Variants in GNAS observed in about 807,000 individuals in gnomAD.
GNAS encodes protein ALEX.
In GNAS, 8 loss-of-function variants were observed where a neutral mutation model predicts 54.5. The ratio of observed to expected loss-of-function variants is 0.15; its 90% CI spans 0.09 to 0.26. The LOEUF (loss-of-function observed/expected upper bound fraction) is 0.26, where lower values mean the gene tolerates loss of function less well. GNAS is among the 10% of genes least tolerant of loss of function. The pLI is 1.00. For synonymous variants in GNAS, 204 were observed against 191.4 expected (o/e 1.07, Z -0.54); for missense variants, 170 against 529.8 (o/e 0.32, Z 6.67).
chr20:58,857,828 T>C lies in GNAS; in HGVS notation c.43+16942T>C, dbSNP rs182681434. ...CTTATTTTGTCACCAGGAGTAAAAA[T>C]TAACTTTAAGAAAAGGAAATTTGCT... On this transcript the variant is annotated intron_variant, in intron 1 of 12. Coordinates refer to the GNAS transcript ENST00000306090. The surrounding 1 kb of genome is among the most constrained non-coding windows in gnomAD (Gnocchi z 4.1). Among the ~76,000 whole-genome samples, 545 of 152,240 alleles carry C rather than the reference T, an allele frequency of 3.6e-3. 5 individuals carry two copies. The highest frequency in any genetic ancestry group is 0.012 in the African/African-American group (511 of 41,528).
chr20:58,881,585 C>T lies in GNAS; in HGVS notation c.44-14027C>T, dbSNP rs996839249. 3.3e-5 allele frequency among the ~76,000 whole-genome samples: 5 copies of T among 152,126 alleles called. No individual in the cohort carries two copies. The South Asian group carries it at 6.2e-4, about 19-fold the overall frequency. ...CTCTTACTACATGCTGACATCATCCCGCAACTCCCCATGTGCCTTCCCTCA... is the reference window on the plus strand; with the variant it reads ...CTCTTACTACATGCTGACATCATCCTGCAACTCCCCATGTGCCTTCCCTCA... On this transcript the variant is annotated intron_variant, in intron 1 of 12. Transcript: ENST00000306090.
At chr20:58,881,508 C>T (rs999866247) in intron 1 of GNAS, among the ~76,000 whole-genome samples, 3 of 152,152 alleles carry the variant, frequency 2.0e-5, no homozygotes, top group African/African-American at 7.2e-5. Context: ...CAGGGCACCA[C>T]GTGGAGATAG....
rs1167645241 is a variant in GNAS, at chr20:58,891,494, A to G, written c.-233A>G. 4.2e-5 allele frequency: 41 copies of G among 965,704 alleles called. No individual in the cohort carries two copies. Among genetic ancestry groups the G allele is most frequent in the Non-Finnish European group, 5.0e-5 (41 of 816,206 alleles). The allele number at this position is 965,704 out of a possible 1,614,324, so 59.8% of individuals were successfully genotyped here. On this transcript the variant is annotated 5_prime_UTR_variant, in exon 1 of 13. Transcript: ENST00000371085. The stretch of plus-strand genomic sequence containing the variant: ...CATCAGCCCCCTCGGCCTCGGCTCG[A>G]GGGGCGGGGAGCTGCGCGCGCCCCT...
In GNAS at chr20:58,910,427, C is replaced by T. The variant is rs184912870; in HGVS notation, c.1038+26C>T. 4.5e-6 allele frequency: 7 copies of T among 1,541,816 alleles called. No individual in the cohort carries two copies. In the African/African-American group the frequency reaches 6.8e-5, roughly 15 times the overall value. On this transcript the variant is annotated intron_variant, in intron 12 of 12. Transcript: ENST00000371085. This position sits in a 1 kb window ranked among gnomAD's most constrained non-coding sequence, Gnocchi z 5.8. Reference sequence around the variant, plus strand: ...GTGAGTCGAGCCTGTCTTTAGTTTCCTCTCTTGTTCCTCCTCTTTTTCTCA... The same window carrying T: ...GTGAGTCGAGCCTGTCTTTAGTTTCTTCTCTTGTTCCTCCTCTTTTTCTCA...
Position 58,909,491 on chromosome 20 carries a change from G to A in GNAS, c.660-30G>A, listed in dbSNP as rs1027704998. On this transcript the variant is annotated intron_variant, in intron 8 of 12. Coordinates refer to ENST00000371085, the MANE Select transcript of GNAS (RefSeq NM_000516.7). The surrounding 1 kb of genome is among the most constrained non-coding windows in gnomAD (Gnocchi z 7.3). ...TCTTGACATTCACCCCAGTCCCTCT[G>A]GAATAACCAGCTGTCCTCCTCCCCA... is the stretch of plus-strand genomic sequence containing the variant. 1 of 1,613,634 alleles carries A rather than the reference G, an allele frequency of 6.2e-7. No homozygotes were observed. The highest frequency in any genetic ancestry group is 1.1e-5 in the South Asian group (1 of 91,072).
chr20:58,889,707 G>C (rs920318777), upstream of GNAS, among the ~76,000 whole-genome samples: 1 of 151,142 alleles, frequency 6.6e-6, no homozygotes, highest in Admixed American at 6.6e-5. Context: ...TAGGCAGCCA[G>C]CCCAGCAGCC....
intron 1 of GNAS, chr20:58,848,805 C>T (rs1433158482): frequency 5.0e-6 from 2 of 398,194 alleles, no homozygotes; most frequent in South Asian, 2.6e-4. Context: ...GGTGGGTCAA[C>T]TCCTCGAACA....
Position 58,841,603 on chromosome 20 carries a change from T to G in GNAS, c.43+717T>G. ...GGGACAGAGACCGCCTCAAAGAGCGTGCGCACCTGCCCGCGCGCGCCGGAG... is the reference window on the plus strand; with the variant it reads ...GGGACAGAGACCGCCTCAAAGAGCGGGCGCACCTGCCCGCGCGCGCCGGAG... On this transcript the variant is annotated intron_variant, in intron 1 of 12. Transcript: ENST00000306090. The surrounding 1 kb of genome is among the most constrained non-coding windows in gnomAD (Gnocchi z 5.0). 1 of 1,026,730 alleles carries G rather than the reference T, an allele frequency of 9.7e-7. No individual in the cohort carries two copies. Among genetic ancestry groups the G allele is most frequent in the Non-Finnish European group, 1.2e-6 (1 of 857,366 alleles). 63.6% of individuals were successfully genotyped at this position (1,026,730 alleles called of 1,614,324 possible). A position where few individuals can be genotyped will look rare whatever the true frequency, so the allele number is the denominator to read the frequency against.
In GNAS at chr20:58,910,342, G is replaced by A; in HGVS notation, c.979G>A (p.Glu327Lys). The A allele has an allele frequency of 6.2e-7, 1 of 1,609,208 alleles. No individual in the cohort carries two copies. Among genetic ancestry groups the A allele is most frequent in the Non-Finnish European group, 8.5e-7 (1 of 1,175,856 alleles). ...RYTTPEDATP[E>K]PGEDPRVTRA... ...ATTCCCTTTTTATATAGCTACTCCC[G>A]AGCCCGGAGAGGACCCACGCGTGAC... is the stretch of plus-strand genomic sequence containing the variant. The change falls in exon 12 of 13, where the codon GAG becomes AAG. Residue 327 changes from glutamate to lysine, a missense_variant. By Grantham distance (56) the Glu-to-Lys change is moderately conservative. Coordinates refer to ENST00000371085, the MANE Select transcript of GNAS (RefSeq NM_000516.7). The surrounding 1 kb of genome is among the most constrained non-coding windows in gnomAD (Gnocchi z 5.8).
At chr20:58,886,012 A>AT (rs894542651) in intron 1 of GNAS, among the ~76,000 whole-genome samples, 1 of 152,240 alleles carries the variant, frequency 6.6e-6, no homozygotes, top group Non-Finnish European at 1.5e-5. Flanking sequence ...CAAGGATAAC[A>AT]TTCTTGTCCA....
At chr20:58,876,308 A>C (rs1298870973) in intron 1 of GNAS, among the ~76,000 whole-genome samples, 1 of 152,162 alleles carries the variant, frequency 6.6e-6, no homozygotes, top group Non-Finnish European at 1.5e-5. Flanking sequence ...GCTGGGATGA[A>C]TATTATGAGT....
intron 1 of GNAS, among the ~76,000 whole-genome samples, chr20:58,883,805 C>A (rs947802736): frequency 6.6e-6 from 1 of 152,112 alleles, no homozygotes; most frequent in African/African-American, 2.4e-5. Context: ...AGAGCCTGTA[C>A]GAAAAGAGGG....
In GNAS at chr20:58,898,875, G is replaced by GT. The variant is rs1396749348; in HGVS notation, c.213-65dup. 3 of 1,292,342 alleles carry GT rather than the reference G, an allele frequency of 2.3e-6. No homozygotes were observed. In the African/African-American group the frequency reaches 4.4e-5, roughly 19 times the overall value. 80.1% of individuals were successfully genotyped at this position (1,292,342 alleles called of 1,614,324 possible). A position where few individuals can be genotyped will look rare whatever the true frequency, so the allele number is the denominator to read the frequency against. On this transcript the variant is annotated intron_variant, in intron 2 of 12. Transcript: ENST00000371085. ...GATGGTTGAGGAATGTAGAGAGACT[G>GT]TGTGGGGTTTGTGTGACACTGCGGT...
chr20:58,903,201 C>T lies in GNAS; in HGVS notation c.258-330C>T, dbSNP rs753679167. 597 of 431,502 alleles carry T rather than the reference C, an allele frequency of 1.4e-3. 6 individuals carry two copies. The highest frequency in any genetic ancestry group is 1.2e-3 in the Non-Finnish European group (270 of 231,540). The allele number at this position is 431,502 out of a possible 1,614,324, so 26.7% of individuals were successfully genotyped here. A position where few individuals can be genotyped will look rare whatever the true frequency, so the allele number is the denominator to read the frequency against. On this transcript the variant is annotated intron_variant, in intron 3 of 12. Coordinates refer to ENST00000371085, the MANE Select transcript of GNAS (RefSeq NM_000516.7). ...ACCCCTACCCAGATGTTGATAGGAC[C>T]AGGAGAAGCCTTTAGGAAGTGTTAG... is the stretch of plus-strand genomic sequence containing the variant.
chr20:58,892,796 A>T (rs1239141068), intron 1 of GNAS, among the ~76,000 whole-genome samples: 1 of 152,066 alleles, frequency 6.6e-6, no homozygotes, highest in Non-Finnish European at 1.5e-5. Context: ...GTCATTTTAC[A>T]GTGTGACCTT....
At chr20:58,903,268 G>C (rs541420468) in intron 3 of GNAS, 1 of 570,796 alleles carries the variant, frequency 1.8e-6, no homozygotes, top group South Asian at 1.9e-5. Flanking sequence ...GATTAAATGA[G>C]CTGCATGCAA....
At chr20:58,854,373 G>A (rs754566023) in intron 1 of GNAS, 3 of 1,572,414 alleles carry the variant, frequency 1.9e-6, no homozygotes, top group Non-Finnish European at 2.6e-6. Context: ...TGCCGCGGAG[G>A]GAGGAAAAGT....
rs1731471700 is a variant in GNAS, at chr20:58,853,204, G to A, written c.43+12318G>A. 6.8e-7 allele frequency: 1 copy of A among 1,476,320 alleles called. No homozygotes were observed. The highest frequency in any genetic ancestry group is 9.0e-7 in the Non-Finnish European group (1 of 1,111,428). 91.5% of individuals were successfully genotyped at this position (1,476,320 alleles called of 1,614,324 possible). A position where few individuals can be genotyped will look rare whatever the true frequency, so the allele number is the denominator to read the frequency against. On this transcript the variant is annotated intron_variant, in intron 1 of 12. Coordinates refer to the GNAS transcript ENST00000306090. The surrounding 1 kb of genome is among the most constrained non-coding windows in gnomAD (Gnocchi z 4.4). ...TAATAATAATAATTTTTTCACCCTA[G>A]TTCGGTTGGGTGCTCCATCTTACGG...
At chr20:58,908,091 C>G (rs969863955) in intron 6 of GNAS, among the ~76,000 whole-genome samples, 6 of 152,172 alleles carry the variant, frequency 3.9e-5, no homozygotes, top group African/African-American at 1.4e-4. Context: ...CAGACTAACT[C>G]TGAACTAGTA....
Sources: allele counts gnomAD v4.1 joint callset (sites outside exome capture counted in the v4.1 genomes callset), GRCh38; gene constraint gnomAD v4.1.1; non-coding constraint Gnocchi (gnomAD v3.1); transcripts MANE v1.5; gene names NCBI Gene and HGNC (gene_info 2026-07-23, HGNC 2026-07-21).